The following ACTN2 variants were observed in gnomAD, a reference collection of about 807,000 sequenced individuals.
The protein encoded by ACTN2 is actinin alpha 2.
ACTN2 carries 39 observed loss-of-function variants against 113.8 expected under a neutral mutation model. The ratio of observed to expected loss-of-function variants is 0.34; its 90% CI spans 0.27 to 0.45. The LOEUF is 0.45. ACTN2 is among the 20% of genes least tolerant of loss of function. ACTN2 has a pLI of 1.00. For missense variants in ACTN2, 992 were observed against 1,177.9 expected (o/e 0.84, Z 2.31); for synonymous variants, 429 against 444.1 (o/e 0.97, Z 0.43).
At position 236,739,660 on chromosome 1, in the gene ACTN2, G is replaced by A. The variant is rs1018301295; in HGVS notation, c.1107+128G>A. ...TTTTAGTTGTGTGAATATCATTTTGGCCCTGTAACCACTTTGTTCTTAATA... is the reference window on the plus strand; with the variant it reads ...TTTTAGTTGTGTGAATATCATTTTGACCCTGTAACCACTTTGTTCTTAATA... On this transcript the variant is annotated intron_variant, in intron 10 of 20. Coordinates refer to ENST00000366578, the MANE Select transcript of ACTN2 (RefSeq NM_001103.4). The A allele has an allele frequency of 9.0e-6, 10 of 1,111,724 alleles. No individual in the cohort carries two copies. The African/African-American group carries it at 1.4e-4, about 15-fold the overall frequency. 68.9% of individuals were successfully genotyped at this position (1,111,724 alleles called of 1,614,324 possible).
chr1:236,716,026 C>G (rs187854346), intron 1 of ACTN2, among the ~76,000 whole-genome samples: 1,549 of 150,312 alleles, frequency 0.01, 11 homozygotes, highest in Non-Finnish European at 0.016. Flanking sequence ...CTGACTAAAG[C>G]TTAGACATAA....
intron 1 of ACTN2, among the ~76,000 whole-genome samples, chr1:236,709,555 C>T (rs1258837157): frequency 6.6e-6 from 1 of 151,468 alleles, no homozygotes; most frequent in Non-Finnish European, 1.5e-5. Context: ...GCTTGTCCCA[C>T]CCCACAGGAT....
At chr1:236,746,408 A>G (rs977296599) in intron 12 of ACTN2, among the ~76,000 whole-genome samples, 1 of 152,078 alleles carries the variant, frequency 6.6e-6, no homozygotes, top group Admixed American at 6.5e-5. Flanking sequence ...TTAAGCTTCT[A>G]GTTAAGAATT....
At chr1:236,734,897 G>T (rs182453114) in intron 7 of ACTN2, among the ~76,000 whole-genome samples, 3 of 152,198 alleles carry the variant, frequency 2.0e-5, no homozygotes, top group African/African-American at 7.2e-5. Context: ...GAAAAATGGT[G>T]TTGCCAAGAT....
In ACTN2 at chr1:236,707,650, T is replaced by G. The variant is rs551488865; in HGVS notation, c.127-10208T>G. On this transcript the variant is annotated intron_variant, in intron 1 of 20. Transcript: ENST00000366578. ...CTCACAGCAAACTAATTGAGTTAGA[T>G]TCATAGTGCTTTTCTTTTCTTTTTT... is the stretch of plus-strand genomic sequence containing the variant. Among the ~76,000 whole-genome samples the G allele has an allele frequency of 4.4e-4, 66 of 151,282 alleles. 1 individual carries two copies. Among genetic ancestry groups the G allele is most frequent in the African/African-American group, 1.4e-3 (60 of 41,424 alleles).
Position 236,749,276 on chromosome 1 carries a change from G to A in ACTN2, c.1656+12G>A, listed in dbSNP as rs768816601. 9.3e-6 allele frequency: 15 copies of A among 1,613,854 alleles called. No individual in the cohort carries two copies. The East Asian group carries it at 1.3e-4, about 14-fold the overall frequency. On this transcript the variant is annotated intron_variant, in intron 14 of 20. Transcript: ENST00000366578. ...TTGAGGAGATCCAGGTAATGGAACC[G>A]CAACTCTGTATGCCCTATGCATTAG...
intron 13 of ACTN2, among the ~76,000 whole-genome samples, chr1:236,748,531 C>T (rs1659302857): frequency 6.6e-6 from 1 of 152,146 alleles, no homozygotes; most frequent in Non-Finnish European, 1.5e-5. Context: ...CCCTTCTGCC[C>T]CCACTTGTCT....
chr1:236,697,461 A>T (rs1038189648), intron 1 of ACTN2, among the ~76,000 whole-genome samples: 1 of 152,216 alleles, frequency 6.6e-6, no homozygotes, highest in African/African-American at 2.4e-5. Context: ...GTGGAAGAGG[A>T]TCTACCCAGA....
rs11355106 is a variant in ACTN2, at chr1:236,736,599, TC to T, written c.784-518del. 1,079,574 of 1,534,022 alleles carry T rather than the reference TC, an allele frequency of 0.7. 386,275 individuals are homozygous for T. The highest frequency in any genetic ancestry group is 0.74 in the Non-Finnish European group (849,151 of 1,145,342). The stretch of plus-strand genomic sequence containing the variant: ...AAGCACACTCAGCTCTGTGGAAGGA[TC>T]CCCCTCCAGAAAGTTCTACATGTTC... On this transcript the variant is annotated intron_variant, in intron 8 of 20. Coordinates refer to ENST00000366578, the MANE Select transcript of ACTN2 (RefSeq NM_001103.4).
chr1:236,724,653 G>C (rs1036424124), intron 4 of ACTN2, among the ~76,000 whole-genome samples: 7 of 152,216 alleles, frequency 4.6e-5, no homozygotes, highest in African/African-American at 1.4e-4. Context: ...CAGCTCTGCT[G>C]CTCACCCCCC....
Position 236,747,665 on chromosome 1 carries a change from A to G in ACTN2, c.1407-2A>G. 1.9e-6 allele frequency: 3 copies of G among 1,612,986 alleles called. No homozygotes were observed. Among genetic ancestry groups the G allele is most frequent in the Non-Finnish European group, 2.5e-6 (3 of 1,179,046 alleles). ...ATCTTTATTTATTTTCACTTTTAAT[A>G]GTGAACTGGACTATCACGACGCTGT... On this transcript the variant is annotated splice_acceptor_variant, in intron 12 of 20. Coordinates refer to ENST00000366578, the MANE Select transcript of ACTN2 (RefSeq NM_001103.4). LOFTEE classifies it high-confidence loss of function.
intron 4 of ACTN2, among the ~76,000 whole-genome samples, chr1:236,721,022 G>GTTTTTT (rs869077774): frequency 0.014 from 962 of 66,438 alleles, 119 homozygotes; most frequent in African/African-American, 0.051. Flanking sequence ...TTTGTTTTTT[G>GTTTTTT]TTTTTTTTTT....
rs1005499666 is a variant in ACTN2, at chr1:236,734,315, A to G, written c.698-1320A>G. 29 of 646,304 alleles carry G rather than the reference A, an allele frequency of 4.5e-5. No homozygotes were observed. In the Admixed American group the frequency reaches 7.5e-4, roughly 17 times the overall value. The allele number at this position is 646,304 out of a possible 1,614,324, so 40.0% of individuals were successfully genotyped here. On this transcript the variant is annotated intron_variant, in intron 7 of 20. Coordinates refer to ENST00000366578, the MANE Select transcript of ACTN2 (RefSeq NM_001103.4). ...TGATTTGAGCCAAAATGTTAGGAAC[A>G]TAAGTGTATGGGGGCGAAGGGGGAG...
intron 1 of ACTN2, among the ~76,000 whole-genome samples, chr1:236,715,854 G>A (rs1174290421): frequency 6.6e-6 from 1 of 152,204 alleles, no homozygotes. Context: ...TACTAGGGTG[G>A]TTGAGGCGGG....
intron 15 of ACTN2, 129 bp from the exon 16 acceptor site, chr1:236,753,818 T>A: frequency 1.8e-6 from 2 of 1,091,488 alleles, no homozygotes; most frequent in Non-Finnish European, 2.8e-6. Context: ...TCCTTCCCCC[T>A]ACACCCTCCT....
chr1:236,717,017 T>TTACC (rs1320570245), intron 1 of ACTN2, among the ~76,000 whole-genome samples: 1 of 151,892 alleles, frequency 6.6e-6, no homozygotes, highest in East Asian at 2.0e-4. Flanking sequence ...GTATTTTTAG[T>TTACC]AGAGACGGGG....
intron 9 of ACTN2, among the ~76,000 whole-genome samples, chr1:236,738,362 T>G (rs536219133): frequency 6.6e-6 from 1 of 152,364 alleles, no homozygotes; most frequent in Admixed American, 6.5e-5. Flanking sequence ...ATCAGGACAT[T>G]TGGAATAAAT....
At chr1:236,746,153 A>C (rs532645446) in intron 12 of ACTN2, among the ~76,000 whole-genome samples, 1 of 137,466 alleles carries the variant, frequency 7.3e-6, no homozygotes, top group East Asian at 2.2e-4. Flanking sequence ...GCGACAGAGC[A>C]AGACTCCATC....
intron 1 of ACTN2, among the ~76,000 whole-genome samples, chr1:236,690,653 C>T (rs780986648): frequency 5.3e-5 from 8 of 152,128 alleles, no homozygotes; most frequent in East Asian, 1.9e-4. Context: ...TATCCTTGTG[C>T]GCCGAATATT....
Sources: allele counts gnomAD v4.1 joint callset (sites outside exome capture counted in the v4.1 genomes callset), GRCh38; gene constraint gnomAD v4.1.1; transcripts MANE v1.5; gene names NCBI Gene and HGNC (gene_info 2026-07-23, HGNC 2026-07-21).